The following CACNA1A variants were observed in gnomAD, a reference collection of about 807,000 sequenced individuals.
CACNA1A encodes calcium voltage-gated channel subunit alpha1 A, also known as voltage-dependent P/Q-type calcium channel subunit alpha-1A.
Under a neutral mutation model 262.4 loss-of-function variants are expected in CACNA1A, and 57 were observed. That is an observed-to-expected ratio of 0.22 (90% CI 0.18 to 0.27). CACNA1A has a LOEUF of 0.27. Among genes scored for constraint, CACNA1A ranks in the 10% least tolerant of loss-of-function variants. The probability of loss-of-function intolerance (pLI) is 1.00; values close to 1 mark genes in which losing one functional copy is unlikely to be tolerated. For synonymous variants in CACNA1A, 1,431 were observed against 1,419.3 expected (o/e 1.01, Z -0.18); for missense variants, 2,526 against 3,562.8 (o/e 0.71, Z 7.41).
At chr19:13,227,866 A>C in intron 36 of CACNA1A, among the ~76,000 whole-genome samples, 1 of 142,086 alleles carries the variant, frequency 7.0e-6, no homozygotes, top group East Asian at 2.1e-4. Flanking sequence ...GAGAATTCTC[A>C]CTTTGGAAGA....
intron 26 of CACNA1A, chr19:13,260,333 T>TACA (rs201167508): frequency 5.9e-4 from 28 of 47,854 alleles, no homozygotes; most frequent in Admixed American, 2.9e-3. Context: ...TATATATATA[T>TACA]TTTTGTTGTT....
chr19:13,421,827 G>A (rs2144786577), intron 3 of CACNA1A, among the ~76,000 whole-genome samples: 1 of 152,262 alleles, frequency 6.6e-6, no homozygotes, highest in South Asian at 2.1e-4. Context: ...CCACCTGAGA[G>A]GATTAAAACA....
intron 1 of CACNA1A, among the ~76,000 whole-genome samples, chr19:13,470,572 G>A (rs1442444413): frequency 6.6e-6 from 1 of 152,150 alleles, no homozygotes; most frequent in Non-Finnish European, 1.5e-5. Context: ...TCTAGAGCTT[G>A]CATGCATTTC....
chr19:13,462,896 A>G (rs28563984), intron 1 of CACNA1A, among the ~76,000 whole-genome samples: 1,607 of 152,194 alleles, frequency 0.011, 34 homozygotes, highest in African/African-American at 0.037. Context: ...AGTAGCTGGG[A>G]CTATAGGTGC....
chr19:13,282,666 T>C (rs1305987813), intron 22 of CACNA1A, among the ~76,000 whole-genome samples: 1 of 151,462 alleles, frequency 6.6e-6, no homozygotes, highest in Non-Finnish European at 1.5e-5. Flanking sequence ...AGTTTTCCCA[T>C]CTGTCAAATG....
At chr19:13,293,346 C>T (rs2057586634) in intron 19 of CACNA1A, among the ~76,000 whole-genome samples, 1 of 151,034 alleles carries the variant, frequency 6.6e-6, no homozygotes, top group Non-Finnish European at 1.5e-5. Context: ...AGTGAGACCC[C>T]AAAATGCTAC....
At position 13,275,910 on chromosome 19, in the gene CACNA1A, T is replaced by A; in HGVS notation, c.3929A>T (p.Asp1310Val). ...TATGAAGTCGAGAATATTCCAGAGG[T>A]CACGGAAGTAGGCACCCTGATGCAG... The part of the protein sequence containing the change: ...LVLHQGAYFR[D>V]LWNILDFIVV... Residue 1310 changes from aspartate to valine, a missense_variant, in exon 24 of 47, where the codon GAC becomes GTC. By Grantham distance (152) the Asp-to-Val change is radical. Coordinates refer to ENST00000360228, the MANE Select transcript of CACNA1A (RefSeq NM_001127222.2). 6.2e-7 allele frequency: 1 copy of A among 1,613,626 alleles called. No individual in the cohort carries two copies. The highest frequency in any genetic ancestry group is 8.5e-7 in the Non-Finnish European group (1 of 1,179,740).
chr19:13,416,802 T>C (rs1206016323), intron 3 of CACNA1A, among the ~76,000 whole-genome samples: 1 of 151,846 alleles, frequency 6.6e-6, no homozygotes, highest in African/African-American at 2.4e-5. Flanking sequence ...GCAACAGTGC[T>C]ACACTCCATC....
At chr19:13,219,781 G>A (rs953544395) in intron 38 of CACNA1A, among the ~76,000 whole-genome samples, 3 of 151,578 alleles carry the variant, frequency 2.0e-5, no homozygotes, top group African/African-American at 4.8e-5. Context: ...GTGAAACCCC[G>A]TTTCTACTAA....
intron 22 of CACNA1A, among the ~76,000 whole-genome samples, chr19:13,281,532 G>A (rs1215643483): frequency 2.6e-5 from 4 of 152,066 alleles, no homozygotes; most frequent in African/African-American, 9.7e-5. Context: ...CTAGAGTGGG[G>A]GCTGTCCTGG....
chr19:13,220,198 T>G (rs1314553310), intron 38 of CACNA1A, among the ~76,000 whole-genome samples: 1 of 151,862 alleles, frequency 6.6e-6, no homozygotes, highest in African/African-American at 2.4e-5. Context: ...GAGGCGGAGA[T>G]TGCAGTGAAC....
Position 13,275,909 on chromosome 19 carries a change from G to A in CACNA1A, c.3930C>T (p.Asp1310=). 6.2e-7 allele frequency: 1 copy of A among 1,613,884 alleles called. No individual in the cohort carries two copies. Among genetic ancestry groups the A allele is most frequent in the Non-Finnish European group, 8.5e-7 (1 of 1,179,822 alleles). Residue 1310 remains aspartate, a synonymous_variant, in exon 24 of 47, where the codon GAC becomes GAT. Transcript: ENST00000360228. The stretch of plus-strand genomic sequence containing the variant: ...CTATGAAGTCGAGAATATTCCAGAG[G>A]TCACGGAAGTAGGCACCCTGATGCA... The part of the protein sequence containing the change: ...LVLHQGAYFR[D]LWNILDFIVV...
chr19:13,400,704 G>A lies in CACNA1A; in HGVS notation c.540-28925C>T, dbSNP rs1279166648. Among the ~76,000 whole-genome samples, 4 of 152,246 alleles carry A rather than the reference G, an allele frequency of 2.6e-5. 1 individual carries two copies. The South Asian group carries it at 6.2e-4, about 24-fold the overall frequency. On this transcript the variant is annotated intron_variant, in intron 3 of 46. Transcript: ENST00000360228. ...CATTTTTGGTTCTCACAACTGGGGC[G>A]CGGGCGCTACTGGCATCAAGTAAGT...
Position 13,325,128 on chromosome 19 carries a change from C to CCCTTCCCAT in CACNA1A, c.1345+5115_1345+5116insATGGGAAGG, listed in dbSNP as rs1484439403. Among the ~76,000 whole-genome samples, 1,131 of 114,822 alleles carry CCCTTCCCAT rather than the reference C, an allele frequency of 9.9e-3. 5 individuals are homozygous for CCCTTCCCAT. Among genetic ancestry groups the CCCTTCCCAT allele is most frequent in the African/African-American group, 0.034 (1,071 of 31,944 alleles). 75.3% of individuals were successfully genotyped at this position (114,822 alleles called of 152,430 possible). A position where few individuals can be genotyped will look rare whatever the true frequency, so the allele number is the denominator to read the frequency against. Reference sequence around the variant, plus strand: ...CTTCTTCCCCTTCCCCTTCCCATTCCTCCTCCTCCTCCTCTTCTTCTTCTT... The same window carrying CCCTTCCCAT: ...CTTCTTCCCCTTCCCCTTCCCATTCCCCTTCCCATTCCTCCTCCTCCTCTTCTTCTTCTT... On this transcript the variant is annotated intron_variant, in intron 10 of 46. Coordinates refer to ENST00000360228, the MANE Select transcript of CACNA1A (RefSeq NM_001127222.2).
chr19:13,217,202 G>A (rs2055044295), intron 38 of CACNA1A, among the ~76,000 whole-genome samples: 1 of 148,322 alleles, frequency 6.7e-6, no homozygotes. Flanking sequence ...AGAACAGAGG[G>A]GTGGGTGGGA....
intron 11 of CACNA1A, 66 bp downstream of exon 11, chr19:13,317,046 G>A: frequency 9.8e-7 from 1 of 1,019,208 alleles, no homozygotes; most frequent in Admixed American, 2.1e-5. Flanking sequence ...CAGAGAAAGA[G>A]AAGTGGAAAA....
chr19:13,234,098 C>T (rs970165442), intron 34 of CACNA1A, among the ~76,000 whole-genome samples: 34 of 148,520 alleles, frequency 2.3e-4, no homozygotes, highest in African/African-American at 8.0e-4. Flanking sequence ...GCCTGTAATC[C>T]CAGCACTTTG....
chr19:13,497,503 AAAAAAAAAAAAAAAAAAAATATAT>A (rs1568709338), intron 1 of CACNA1A, among the ~76,000 whole-genome samples: 6 of 38,796 alleles, frequency 1.5e-4, no homozygotes, highest in African/African-American at 6.2e-4. Context: ...AAAAAAAAAA[AAAAAAAAAAAAAAAAAAAATATAT>A]ATATATATAT....
chr19:13,329,199 G>A (rs920956256), intron 10 of CACNA1A, among the ~76,000 whole-genome samples: 2 of 152,002 alleles, frequency 1.3e-5, no homozygotes, highest in Admixed American at 6.6e-5. Context: ...CTCCTCCCTC[G>A]AACTCTGGCC....
Sources: gnomAD v4.1 joint callset for allele counts (sites outside exome capture counted in the v4.1 genomes callset) on GRCh38, gnomAD v4.1.1 for gene constraint, MANE v1.5 for transcripts, NCBI Gene and HGNC (gene_info 2026-07-23, HGNC 2026-07-21) for gene names.